Variants in EIF2AK3 observed in about 807,000 individuals in gnomAD.
EIF2AK3 encodes eukaryotic translation initiation factor 2-alpha kinase 3.
EIF2AK3 carries 50 observed loss-of-function variants against 113.5 expected under a neutral mutation model. That is an observed-to-expected ratio of 0.44 (90% CI 0.35 to 0.56). EIF2AK3 has a LOEUF of 0.56. Ranked by LOEUF, EIF2AK3 falls within the 20% of genes least tolerant of loss-of-function variation. The pLI is 0.00. For synonymous variants in EIF2AK3, 448 were observed against 495.4 expected, an observed-to-expected ratio of 0.90 and a Z score of 1.27; for missense variants, 1,185 against 1,378.0, an observed-to-expected ratio of 0.86 and a Z score of 2.22.
intron 14 of EIF2AK3, 126 bp from the exon 15 acceptor site, chr2:88,562,516 A>T: frequency 1.3e-6 from 1 of 768,116 alleles, no homozygotes; most frequent in Non-Finnish European, 2.2e-6. Context: ...ATGTGTAAAA[A>T]TGTTAGCAAA....
At chr2:88,607,475 C>A (rs531716089) in intron 2 of EIF2AK3, among the ~76,000 whole-genome samples, 1 of 152,140 alleles carries the variant, frequency 6.6e-6, no homozygotes, top group Non-Finnish European at 1.5e-5. Flanking sequence ...TGCACCTTAA[C>A]GGTTTTAGCT....
In EIF2AK3 at chr2:88,627,021, T is replaced by G. The variant is rs1422535694; in HGVS notation, c.254A>C (p.Gln85Pro). 1 of 1,606,012 alleles carries G rather than the reference T, an allele frequency of 6.2e-7. No individual in the cohort carries two copies. The highest frequency in any genetic ancestry group is 1.3e-5 in the African/African-American group (1 of 74,598). The change falls in exon 1 of 17, where the codon CAG becomes CCG. Residue 85 changes from glutamine to proline, a missense_variant. By Grantham distance (76) the Gln-to-Pro change is moderately conservative. Around this residue, in one of 3 missense-constraint regions of EIF2AK3, gnomAD observed 189 missense variants for 175.2 expected, o/e 1.08. Transcript: ENST00000303236. The stretch of plus-strand genomic sequence containing the variant: ...GTCTGGTTCCGGACCCCGAGGCTCC[T>G]GCTCTCCCGCGGCTGCCGGCAGCGC... ...AEALPAAAGE[Q>P]EPRGPEPDDE...
chr2:88,626,879 G>C, intron 1 of EIF2AK3, 88 bp downstream of exon 1: 7 of 1,530,130 alleles, frequency 4.6e-6, no homozygotes, highest in Middle Eastern at 2.3e-4. Context: ...ACGCCCGCCC[G>C]GGTCCCGGAT....
chr2:88,618,075 C>A (rs961404819), intron 1 of EIF2AK3, among the ~76,000 whole-genome samples: 4 of 152,090 alleles, frequency 2.6e-5, no homozygotes, highest in African/African-American at 9.7e-5. Flanking sequence ...CCCAGCTACT[C>A]AGAGGCTGAG....
At chr2:88,608,637 T>C (rs369463530) in intron 2 of EIF2AK3, among the ~76,000 whole-genome samples, 3 of 151,610 alleles carry the variant, frequency 2.0e-5, no homozygotes, top group Non-Finnish European at 4.4e-5. Flanking sequence ...ACCAGATGCA[T>C]TTTGAAGGTA....
In EIF2AK3 at chr2:88,562,239, T is replaced by G. The variant is rs1800980; in HGVS notation, c.3087+50A>C. On this transcript the variant is annotated intron_variant, in intron 15 of 16. Transcript: ENST00000303236. ...CTTTAAAAAACTCTTTTGTAAATGT[T>G]AGATTATTTTCTGTTTGAAACTTTT... The G allele has an allele frequency of 0.086, 123,931 of 1,447,626 alleles. 8,146 individuals are homozygous for G. The highest frequency in any genetic ancestry group is 0.33 in the African/African-American group (23,797 of 71,424). The allele number at this position is 1,447,626 out of a possible 1,614,324, so 89.7% of individuals were successfully genotyped here.
Position 88,601,834 on chromosome 2 carries a change from C to CTTTTTTTTTTTTTTTTTTTT in EIF2AK3, c.439-6191_439-6172dup, listed in dbSNP as rs59987968. ...TCTGCATTTATTAGTTAAGATTTTT[C>CTTTTTTTTTTTTTTTTTTTT]TTTTTTTTTTTTTTTTTTTTTGCTT... is the stretch of plus-strand genomic sequence containing the variant. On this transcript the variant is annotated intron_variant, in intron 2 of 16. Coordinates refer to ENST00000303236, the MANE Select transcript of EIF2AK3 (RefSeq NM_004836.7). Among the ~76,000 whole-genome samples the CTTTTTTTTTTTTTTTTTTTT allele has an allele frequency of 4.9e-3, 369 of 74,872 alleles. 1 individual carries two copies. Among genetic ancestry groups the CTTTTTTTTTTTTTTTTTTTT allele is most frequent in the Middle Eastern group, 0.014 (1 of 72 alleles). 49.1% of individuals were successfully genotyped at this position (74,872 alleles called of 152,430 possible). A position where few individuals can be genotyped will look rare whatever the true frequency, so the allele number is the denominator to read the frequency against.
At chr2:88,618,315 A>G (rs765679511) in intron 1 of EIF2AK3, among the ~76,000 whole-genome samples, 4 of 151,976 alleles carry the variant, frequency 2.6e-5, no homozygotes, top group Non-Finnish European at 1.5e-5. Context: ...AAGATGAAAA[A>G]CTCTTAACTT....
chr2:88,619,544 G>A (rs1320793117), intron 1 of EIF2AK3, among the ~76,000 whole-genome samples: 1 of 152,108 alleles, frequency 6.6e-6, no homozygotes, highest in Non-Finnish European at 1.5e-5. Flanking sequence ...ACTTAAAAGG[G>A]TAGCCATCCA....
At chr2:88,572,147 C>G (rs564704929) in intron 13 of EIF2AK3, among the ~76,000 whole-genome samples, 6 of 152,322 alleles carry the variant, frequency 3.9e-5, no homozygotes, top group Non-Finnish European at 5.9e-5. Context: ...TGTATAAGAT[C>G]TATGGTAATA....
chr2:88,611,063 A>G (rs1214793694), intron 2 of EIF2AK3, among the ~76,000 whole-genome samples: 1 of 152,178 alleles, frequency 6.6e-6, no homozygotes, highest in African/African-American at 2.4e-5. Flanking sequence ...AATTTTTTAG[A>G]GTATAAACAG....
intron 2 of EIF2AK3, among the ~76,000 whole-genome samples, chr2:88,604,121 T>C (rs779003455): frequency 1.3e-5 from 2 of 152,204 alleles, no homozygotes; most frequent in Non-Finnish European, 2.9e-5. Flanking sequence ...ATTTCTGCTG[T>C]TGTTTCAGTC....
intron 2 of EIF2AK3, among the ~76,000 whole-genome samples, chr2:88,599,215 G>GA (rs1288112196): frequency 2.6e-5 from 4 of 151,910 alleles, no homozygotes; most frequent in Non-Finnish European, 5.9e-5. Context: ...ACTCATTACT[G>GA]AAAAAACATT....
In EIF2AK3 at chr2:88,602,070, C is replaced by A. The variant is rs554722177; in HGVS notation, c.439-6407G>T. ...GTTTCACCATGTTAGCCAGGGTGGT[C>A]TCAGTCTCCTGACCTCGTGATCTGC... is the stretch of plus-strand genomic sequence containing the variant. On this transcript the variant is annotated intron_variant, in intron 2 of 16. Transcript: ENST00000303236. Among the ~76,000 whole-genome samples, 3 of 152,130 alleles carry A rather than the reference C, an allele frequency of 2.0e-5. No homozygotes were observed. In the South Asian group the frequency reaches 6.2e-4, roughly 32 times the overall value.
chr2:88,601,084 T>A (rs1329314077), intron 2 of EIF2AK3, among the ~76,000 whole-genome samples: 1 of 152,200 alleles, frequency 6.6e-6, no homozygotes, highest in East Asian at 1.9e-4. Flanking sequence ...AGTAAAATCA[T>A]CAAATTTTAA....
Position 88,557,833 on chromosome 2 carries a change from T to C in EIF2AK3, c.3254A>G (p.Lys1085Arg). Residue 1085 changes from lysine to arginine, a missense_variant, in exon 17 of 17, where the codon AAA becomes AGA. Lys to Arg is a conservative substitution (Grantham distance 26). Coordinates refer to ENST00000303236, the MANE Select transcript of EIF2AK3 (RefSeq NM_004836.7). ...AVFEDLDFPG[K>R]TVLRQRSRSL... Reference sequence around the variant, plus strand: ...GCGAGACCTCTGTCTGAGCACTGTTTTTCCTGGAAAGTCCAAGTCCTCAAA... The same window carrying C: ...GCGAGACCTCTGTCTGAGCACTGTTCTTCCTGGAAAGTCCAAGTCCTCAAA... The C allele has an allele frequency of 6.2e-7, 1 of 1,614,156 alleles. No individual in the cohort carries two copies. The highest frequency in any genetic ancestry group is 8.5e-7 in the Non-Finnish European group (1 of 1,180,004).
intron 3 of EIF2AK3, 109 bp downstream of exon 3, chr2:88,595,360 G>A (rs1444256507): frequency 1.8e-6 from 2 of 1,115,528 alleles, no homozygotes; most frequent in Non-Finnish European, 2.6e-6. Flanking sequence ...ACAACCTCAG[G>A]GGAAAATTAC....
Position 88,583,506 on chromosome 2 carries a change from T to C in EIF2AK3, c.1687A>G (p.Asn563Asp), listed in dbSNP as rs759175402. ...KESETQCQTE[N>D]KYDSVSGEAN... ...TCACCACTTACAGAATCATATTTAT[T>C]TTCAGTTTGACACTGAGTTTCAGAC... Residue 563 changes from asparagine (N) to aspartate (D), a missense_variant, in exon 10 of 17, where the codon AAT becomes GAT. This residue lies in a region of EIF2AK3 where 877 missense variants were observed against 1,024.2 expected (regional missense o/e 0.86). Transcript: ENST00000303236. 3.1e-6 allele frequency: 5 copies of C among 1,613,148 alleles called. No individual in the cohort carries two copies. The highest frequency in any genetic ancestry group is 4.2e-6 in the Non-Finnish European group (5 of 1,179,684).
chr2:88,620,367 GCCAAATGAACACTGTGTATAATAAATTCT>G (rs1231873285), intron 1 of EIF2AK3, among the ~76,000 whole-genome samples: 3 of 151,974 alleles, frequency 2.0e-5, no homozygotes, highest in African/African-American at 2.4e-5. Context: ...TATTCCACCT[GCCAAATGAACACTGTGTATAATAAATTCT>G]CCCATCTTTA....
Sources: gnomAD v4.1 joint callset for allele counts (sites outside exome capture counted in the v4.1 genomes callset) on GRCh38, gnomAD v4.1.1 for gene constraint, gnomAD v4.1.1 regional missense constraint, MANE v1.5 for transcripts, NCBI Gene and HGNC (gene_info 2026-07-23, HGNC 2026-07-21) for gene names.